Variants in MARCHF3 observed in about 807,000 individuals in gnomAD.
The protein encoded by MARCHF3 is membrane associated ring-CH-type finger 3.
MARCHF3 carries 13 observed loss-of-function variants against 24.2 expected under a neutral mutation model. The observed-to-expected ratio is 0.54, with a 90% CI of 0.35 to 0.85. The LOEUF (loss-of-function observed/expected upper bound fraction) is 0.85. Ranked by LOEUF, MARCHF3 falls within the 40% of genes least tolerant of loss-of-function variation. The pLI, the probability that MARCHF3 is intolerant of heterozygous loss-of-function variation, is 0.01. For missense variants in MARCHF3, 276 were observed against 325.0 expected (o/e 0.85, Z 1.16); for synonymous variants, 144 against 137.3 (o/e 1.05, Z -0.34).
intron 1 of MARCHF3, among the ~76,000 whole-genome samples, chr5:127,018,750 G>A (rs758570537): frequency 6.6e-6 from 1 of 152,228 alleles, no homozygotes; most frequent in Non-Finnish European, 1.5e-5. Context: ...TGCCCTGTAA[G>A]CCATGGTAGT....
Position 126,964,262 on chromosome 5 carries a change from G to C in MARCHF3, c.-56-46035C>G, listed in dbSNP as rs543347383. Among the ~76,000 whole-genome samples the C allele has an allele frequency of 3.2e-4, 48 of 152,294 alleles. 1 individual carries two copies. The highest frequency in any genetic ancestry group is 1.1e-3 in the African/African-American group (45 of 41,570). ...GAGGATAACAAAATTTGCCTCAATA[G>C]GATGTTCAAATGAGTAGTCTGATGT... On this transcript the variant is annotated intron_variant, in intron 1 of 4. Coordinates refer to ENST00000308660, the MANE Select transcript of MARCHF3 (RefSeq NM_178450.5).
In MARCHF3 at chr5:126,918,000, T is replaced by C. The variant is rs1441685454; in HGVS notation, c.172A>G (p.Thr58Ala). ...DGQLLSTVVR[T>A]LATQSPFNDR... Reference sequence around the variant, plus strand: ...TGGTACTACCTCTGGGTGGCAAGAGTCCGCACTACTGTTGACAGCAGCTGC... The same window carrying C: ...TGGTACTACCTCTGGGTGGCAAGAGCCCGCACTACTGTTGACAGCAGCTGC... Residue 58 changes from threonine (T) to alanine (A), a missense_variant, in exon 2 of 5, where the codon ACT becomes GCT. Transcript: ENST00000308660. 2 of 1,613,980 alleles carry C rather than the reference T, an allele frequency of 1.2e-6. No homozygotes were observed. Among genetic ancestry groups the C allele is most frequent in the Non-Finnish European group, 1.7e-6 (2 of 1,179,970 alleles).
intron 1 of MARCHF3, among the ~76,000 whole-genome samples, chr5:126,955,504 T>C (rs1046231448): frequency 6.6e-5 from 10 of 152,248 alleles, no homozygotes; most frequent in African/African-American, 1.9e-4. Context: ...ATTTTTGCCA[T>C]TATGAAGGGC....
chr5:127,008,751 C>T (rs1390439909), intron 1 of MARCHF3, among the ~76,000 whole-genome samples: 8 of 152,072 alleles, frequency 5.3e-5, no homozygotes, highest in African/African-American at 1.9e-4. Flanking sequence ...CAGTGTATAC[C>T]ACTGCAATCA....
At chr5:126,919,071 CAT>C (rs1448094269) in intron 1 of MARCHF3, among the ~76,000 whole-genome samples, 1 of 152,120 alleles carries the variant, frequency 6.6e-6, no homozygotes, top group East Asian at 1.9e-4. Context: ...ACCAATTAAA[CAT>C]AATCCATTAC....
At chr5:127,026,788 TA>T (rs1753013569) in intron 1 of MARCHF3, among the ~76,000 whole-genome samples, 1 of 152,232 alleles carries the variant, frequency 6.6e-6, no homozygotes, top group Non-Finnish European at 1.5e-5. Context: ...AAAGGATTGT[TA>T]AGGTAAGTGA....
At chr5:126,954,495 T>A (rs1443575193) in intron 1 of MARCHF3, among the ~76,000 whole-genome samples, 1 of 152,008 alleles carries the variant, frequency 6.6e-6, no homozygotes, top group African/African-American at 2.4e-5. Flanking sequence ...CTCAGCTTCC[T>A]GGATAGGTAG....
intron 4 of MARCHF3, among the ~76,000 whole-genome samples, chr5:126,874,020 A>C (rs1561771985): frequency 6.6e-6 from 1 of 152,246 alleles, no homozygotes; most frequent in African/African-American, 2.4e-5. Flanking sequence ...CTCCAACAAT[A>C]ATGTTAGGAA....
intron 3 of MARCHF3, among the ~76,000 whole-genome samples, chr5:126,881,328 T>C (rs992648307): frequency 1.3e-5 from 2 of 152,194 alleles, no homozygotes; most frequent in Admixed American, 6.5e-5. Flanking sequence ...TACTTATCAA[T>C]TATACAAACG....
chr5:126,946,900 C>A (rs1750043864), intron 1 of MARCHF3, among the ~76,000 whole-genome samples: 1 of 151,844 alleles, frequency 6.6e-6, no homozygotes, highest in Non-Finnish European at 1.5e-5. Context: ...GCTGCCCAAC[C>A]AATTGGCACA....
intron 1 of MARCHF3, among the ~76,000 whole-genome samples, chr5:127,015,547 G>C (rs1015840621): frequency 2.0e-5 from 3 of 152,214 alleles, no homozygotes; most frequent in Admixed American, 6.5e-5. Context: ...CTTTAGTGGA[G>C]AAGGTCCCAA....
At chr5:126,981,036 G>C (rs1056386484) in intron 1 of MARCHF3, among the ~76,000 whole-genome samples, 1 of 152,126 alleles carries the variant, frequency 6.6e-6, no homozygotes, top group Non-Finnish European at 1.5e-5. Flanking sequence ...AATCAGCCTG[G>C]TGAGCACTGA....
intron 1 of MARCHF3, among the ~76,000 whole-genome samples, chr5:126,971,463 A>C (rs1018981844): frequency 6.6e-6 from 1 of 151,710 alleles, no homozygotes; most frequent in Non-Finnish European, 1.5e-5. Flanking sequence ...AAAAAAAAAA[A>C]AAAAGAAAAG....
intron 1 of MARCHF3, among the ~76,000 whole-genome samples, chr5:126,931,624 G>C (rs1404275279): frequency 3.4e-5 from 5 of 149,066 alleles, no homozygotes; most frequent in Non-Finnish European, 7.4e-5. Context: ...CTCTATAGAA[G>C]GCCATCTTTA....
chr5:126,995,424 C>T (rs1751919316), intron 1 of MARCHF3, among the ~76,000 whole-genome samples: 1 of 152,162 alleles, frequency 6.6e-6, no homozygotes, highest in African/African-American at 2.4e-5. Flanking sequence ...TGCCTGGGTG[C>T]CACTGCTTTC....
At chr5:127,000,823 C>T (rs140228252) in intron 1 of MARCHF3, among the ~76,000 whole-genome samples, 7,851 of 152,068 alleles carry the variant, frequency 0.052, 376 homozygotes, top group South Asian at 0.14. Flanking sequence ...CCCGCCACCA[C>T]GCCCGGCTAA....
chr5:126,878,239 G>C lies in MARCHF3; in HGVS notation c.549C>G (p.Val183=), dbSNP rs140632423. 1 of 1,614,124 alleles carries C rather than the reference G, an allele frequency of 6.2e-7. No individual in the cohort carries two copies. The highest frequency in any genetic ancestry group is 1.3e-5 in the African/African-American group (1 of 74,942). Residue 183 remains valine (V), a synonymous_variant, in exon 4 of 5, where the codon GTC becomes GTG. Transcript: ENST00000308660. ...GTGCGACAGTGAGTGCAATCAGTCC[G>C]ACGGCTTCCAGCCGACTACTAAAGT... ...HLHFSSRLEA[V]GLIALTVALF... is the part of the protein sequence containing the mutation.
chr5:126,980,792 A>G (rs899336195), intron 1 of MARCHF3, among the ~76,000 whole-genome samples: 15 of 152,242 alleles, frequency 9.9e-5, no homozygotes, highest in African/African-American at 3.6e-4. Context: ...TCTTCTGCCC[A>G]GTGTGGCATA....
rs377692134 is a variant in MARCHF3, at chr5:126,921,133, T to G, written c.-56-2906A>C. On this transcript the variant is annotated intron_variant, in intron 1 of 4. Coordinates refer to ENST00000308660, the MANE Select transcript of MARCHF3 (RefSeq NM_178450.5). ...GCATTCCCTGAAAAACATACCAGCA[T>G]GTCTTACGTATACCACACATCAGAA... Among the ~76,000 whole-genome samples the G allele has an allele frequency of 1.2e-4, 18 of 151,970 alleles. No individual in the cohort carries two copies. In the East Asian group the frequency reaches 1.7e-3, roughly 15 times the overall value.
Sources: gnomAD v4.1 joint callset for allele counts (sites outside exome capture counted in the v4.1 genomes callset) on GRCh38, gnomAD v4.1.1 for gene constraint, MANE v1.5 for transcripts, NCBI Gene and HGNC (gene_info 2026-07-23, HGNC 2026-07-21) for gene names.